The following HSD17B2 variants were observed in gnomAD, a reference collection of about 807,000 sequenced individuals.
HSD17B2 encodes 17-beta-hydroxysteroid dehydrogenase type 2.
HSD17B2 carries 32 observed loss-of-function variants against 26.9 expected under a neutral mutation model. That is an observed-to-expected ratio of 1.19 (90% CI 0.90 to 1.60). The LOEUF is 1.60. Among genes scored for constraint, HSD17B2 ranks in the 40% most tolerant of loss-of-function variants. HSD17B2 has a pLI of 0.00. For missense variants in HSD17B2, 613 were observed against 468.6 expected (o/e 1.31, Z -2.85); for synonymous variants, 246 against 186.7 (o/e 1.32, Z -2.59).
chr16:82,037,175 G>A (rs912184476), intron 1 of HSD17B2, among the ~76,000 whole-genome samples: 1 of 152,214 alleles, frequency 6.6e-6, no homozygotes, highest in Non-Finnish European at 1.5e-5. Context: ...ATCCCTGCAT[G>A]AAATGCTTAT....
intron 1 of HSD17B2, 31 bp downstream of exon 1, chr16:82,035,720 G>C (rs1486597261): frequency 1.2e-6 from 2 of 1,601,712 alleles, no homozygotes; most frequent in Admixed American, 1.7e-5. Context: ...TTTTCACTGA[G>C]GGTATGATCT....
At chr16:82,090,853 C>A (rs772551828) in intron 3 of HSD17B2, 49 bp from the exon 4 acceptor site, 1 of 1,526,848 alleles carries the variant, frequency 6.5e-7, no homozygotes, top group South Asian at 1.3e-5. Context: ...ATTGGATGAA[C>A]AAATGAACAT....
At chr16:82,057,757 A>G (rs1914316365) in intron 1 of HSD17B2, among the ~76,000 whole-genome samples, 1 of 152,220 alleles carries the variant, frequency 6.6e-6, no homozygotes, top group Non-Finnish European at 1.5e-5. Flanking sequence ...TCTAATCAGG[A>G]GAAAAGCATC....
Position 82,090,302 on chromosome 16 carries a change from G to GTTTTTTTTTTT in HSD17B2, c.665-576_665-566dup, listed in dbSNP as rs35272646. ...CTCTTCATCTTACCTAAACTACATT[G>GTTTTTTTTTTT]TTTTTTTTTTTTTTTTTTTTTTTTT... is the stretch of plus-strand genomic sequence containing the variant. On this transcript the variant is annotated intron_variant, in intron 3 of 4. Coordinates refer to ENST00000199936, the MANE Select transcript of HSD17B2 (RefSeq NM_002153.3). 8.5e-4 allele frequency: 34 copies of GTTTTTTTTTTT among 40,086 alleles called. 7 individuals are homozygous for GTTTTTTTTTTT. Among genetic ancestry groups the GTTTTTTTTTTT allele is most frequent in the African/African-American group, 2.0e-3 (17 of 8,592 alleles). The allele number at this position is 40,086 out of a possible 1,614,324, so 2.5% of individuals were successfully genotyped here.
At chr16:82,053,611 G>C (rs1474630855) in intron 1 of HSD17B2, among the ~76,000 whole-genome samples, 1 of 152,114 alleles carries the variant, frequency 6.6e-6, no homozygotes, top group Non-Finnish European at 1.5e-5. Flanking sequence ...TGTCCATCTT[G>C]GTCACCATTG....
At chr16:82,093,799 T>C (rs1567594398) in intron 4 of HSD17B2, 1 of 152,206 alleles carries the variant, frequency 6.6e-6, no homozygotes, top group African/African-American at 2.4e-5. Flanking sequence ...TGACTGAGTA[T>C]ACTTATAGTT....
chr16:82,043,811 TC>T (rs1913836875), intron 1 of HSD17B2, among the ~76,000 whole-genome samples: 1 of 150,942 alleles, frequency 6.6e-6, no homozygotes, highest in South Asian at 2.1e-4. Context: ...TTTTGAATAA[TC>T]CCAGTGACAG....
chr16:82,048,586 A>C (rs1914008388), intron 1 of HSD17B2, among the ~76,000 whole-genome samples: 1 of 152,200 alleles, frequency 6.6e-6, no homozygotes, highest in Non-Finnish European at 1.5e-5. Flanking sequence ...GGAGACCCAG[A>C]AGGAAGGACT....
chr16:82,084,080 G>A (rs1291590754), intron 3 of HSD17B2, among the ~76,000 whole-genome samples: 1 of 152,162 alleles, frequency 6.6e-6, no homozygotes, highest in African/African-American at 2.4e-5. Flanking sequence ...AGGCCTCAGA[G>A]ATTTTGTGTC....
chr16:82,064,122 G>A (rs541498030), intron 1 of HSD17B2, among the ~76,000 whole-genome samples: 171 of 152,280 alleles, frequency 1.1e-3, no homozygotes, highest in African/African-American at 3.9e-3. Flanking sequence ...GTCACCTGTA[G>A]GCTCTTCCAA....
chr16:82,062,940 A>C (rs74029368), intron 1 of HSD17B2, among the ~76,000 whole-genome samples: 2,103 of 152,330 alleles, frequency 0.014, 56 homozygotes, highest in African/African-American at 0.046. Flanking sequence ...CAGGCCTAGC[A>C]CAGCCTGATC....
chr16:82,076,663 C>A (rs187801586), intron 3 of HSD17B2, among the ~76,000 whole-genome samples: 1 of 152,210 alleles, frequency 6.6e-6, no homozygotes, highest in Non-Finnish European at 1.5e-5. Flanking sequence ...CAGTCTCCAC[C>A]TCCTGGATTT....
chr16:82,083,477 T>C (rs911087205), intron 3 of HSD17B2, among the ~76,000 whole-genome samples: 1 of 152,140 alleles, frequency 6.6e-6, no homozygotes, highest in African/African-American at 2.4e-5. Context: ...GCCTCCTCAT[T>C]ATAAGATAAG....
At chr16:82,049,914 G>A (rs940231254) in intron 1 of HSD17B2, among the ~76,000 whole-genome samples, 3 of 152,300 alleles carry the variant, frequency 2.0e-5, no homozygotes, top group Middle Eastern at 3.4e-3. Context: ...TCTTGAATCC[G>A]GTGGATATCA....
intron 4 of HSD17B2, chr16:82,094,236 G>GCCCCT (rs1417219814): frequency 1.3e-5 from 2 of 152,210 alleles, no homozygotes; most frequent in Non-Finnish European, 2.9e-5. Context: ...CCCTATTCAA[G>GCCCCT]ATGGAGTTAC....
chr16:82,094,688 A>G (rs1904789081), intron 4 of HSD17B2: 1 of 152,220 alleles, frequency 6.6e-6, no homozygotes. Context: ...AAGAAAAGGA[A>G]TCTTCAGGGA....
chr16:82,088,380 C>G (rs78494131), intron 3 of HSD17B2, among the ~76,000 whole-genome samples: 2 of 152,274 alleles, frequency 1.3e-5, no homozygotes, highest in African/African-American at 4.8e-5. Context: ...ACTTTCGCAA[C>G]GATCCTATGA....
At chr16:82,051,625 G>T (rs886802676) in intron 1 of HSD17B2, among the ~76,000 whole-genome samples, 2 of 152,154 alleles carry the variant, frequency 1.3e-5, no homozygotes, top group African/African-American at 4.8e-5. Context: ...TGCATGCAGG[G>T]CTTAACACTA....
intron 1 of HSD17B2, chr16:82,063,188 C>G (rs1456636366): frequency 6.6e-6 from 1 of 152,162 alleles, no homozygotes; most frequent in African/African-American, 2.4e-5. Flanking sequence ...GAGTCTTAAC[C>G]AAGATGTTCA....
Sources: gnomAD v4.1 joint callset for allele counts (sites outside exome capture counted in the v4.1 genomes callset) on GRCh38, gnomAD v4.1.1 for gene constraint, MANE v1.5 for transcripts, NCBI Gene and HGNC (gene_info 2026-07-23, HGNC 2026-07-21) for gene names.